TCF4: variants seen among roughly 807,000 people sequenced by gnomAD.
TCF4 encodes transcription factor 4.
In TCF4, 3 loss-of-function variants were observed where a neutral mutation model predicts 82.1. That is an observed-to-expected ratio of 0.04 (90% CI 0.02 to 0.09). The LOEUF is 0.09. Among genes scored for constraint, TCF4 ranks in the 10% least tolerant of loss-of-function variants. The probability of loss-of-function intolerance (pLI) is 1.00; values close to 1 mark genes in which losing one functional copy is unlikely to be tolerated. For missense variants in TCF4, 518 were observed against 852.7 expected, an observed-to-expected ratio of 0.61 and a Z score of 4.89; for synonymous variants, 276 against 309.6, an observed-to-expected ratio of 0.89 and a Z score of 1.14.
intron 6 of TCF4, among the ~76,000 whole-genome samples, chr18:55,399,900 A>T (rs1171499924): frequency 4.0e-5 from 6 of 149,144 alleles, no homozygotes; most frequent in Non-Finnish European, 8.9e-5. Context: ...ACACACACAC[A>T]CACACACACA....
intron 6 of TCF4, among the ~76,000 whole-genome samples, chr18:55,399,861 C>CTCTCTCTCTCTCTCTCCCCA (rs2093702620): frequency 8.0e-6 from 1 of 125,540 alleles, no homozygotes; most frequent in Non-Finnish European, 1.6e-5. Flanking sequence ...CCATCTCTCT[C>CTCTCTCTCTCTCTCTCCCCA]TCTCTCTCTC....
At chr18:55,497,389 T>C (rs2096649028) in intron 3 of TCF4, among the ~76,000 whole-genome samples, 1 of 152,162 alleles carries the variant, frequency 6.6e-6, no homozygotes, top group Non-Finnish European at 1.5e-5. Context: ...AAATAATATA[T>C]GCACATACAT....
chr18:55,425,259 C>T (rs1454591176), intron 5 of TCF4, among the ~76,000 whole-genome samples: 2 of 152,022 alleles, frequency 1.3e-5, no homozygotes, highest in Non-Finnish European at 2.9e-5. Context: ...AGATTGGATT[C>T]GTTGAAATGA....
At chr18:55,294,014 C>CTT (rs1439146255) in intron 8 of TCF4, among the ~76,000 whole-genome samples, 1 of 123,708 alleles carries the variant, frequency 8.1e-6, no homozygotes, top group Admixed American at 1.1e-4. Context: ...AATCCCAGGA[C>CTT]TTTGGGAGGC....
At chr18:55,611,723 C>T (rs1023776140) in intron 2 of TCF4, among the ~76,000 whole-genome samples, 2 of 151,814 alleles carry the variant, frequency 1.3e-5, no homozygotes, top group African/African-American at 4.8e-5. Flanking sequence ...ATAGTATATG[C>T]GAAATATTAT....
chr18:55,285,446 C>G (rs988424780), intron 8 of TCF4, among the ~76,000 whole-genome samples: 2 of 152,178 alleles, frequency 1.3e-5, no homozygotes, highest in African/African-American at 4.8e-5. Flanking sequence ...GTACTCATTG[C>G]TTATAATTAT....
chr18:55,494,314 G>A (rs79301837), intron 3 of TCF4, among the ~76,000 whole-genome samples: 4,087 of 150,844 alleles, frequency 0.027, 100 homozygotes, highest in Middle Eastern at 0.049. Flanking sequence ...AAAAAGAAAT[G>A]AAAAACTGTG....
intron 3 of TCF4, among the ~76,000 whole-genome samples, chr18:55,539,658 T>C (rs2097148152): frequency 6.6e-6 from 1 of 152,136 alleles, no homozygotes; most frequent in African/African-American, 2.4e-5. Flanking sequence ...AAAGGAGGAT[T>C]AGTGCCCCCA....
chr18:55,492,709 G>C (rs1311901465), intron 3 of TCF4, among the ~76,000 whole-genome samples: 3 of 152,180 alleles, frequency 2.0e-5, no homozygotes, highest in Non-Finnish European at 4.4e-5. Flanking sequence ...TCCTGAGATA[G>C]ATCTTATTTG....
chr18:55,467,622 A>G (rs915841181), intron 3 of TCF4, among the ~76,000 whole-genome samples: 2 of 152,194 alleles, frequency 1.3e-5, no homozygotes, highest in Admixed American at 6.5e-5. Flanking sequence ...TGGTTTCAGC[A>G]GCATTCACTA....
At chr18:55,243,963 T>C (rs1055957549) in intron 15 of TCF4, among the ~76,000 whole-genome samples, 8 of 152,178 alleles carry the variant, frequency 5.3e-5, no homozygotes, top group Non-Finnish European at 1.0e-4. Flanking sequence ...TGCTAGTACA[T>C]GAGTTCTGAG....
intron 3 of TCF4, among the ~76,000 whole-genome samples, chr18:55,502,459 G>C (rs1412951880): frequency 6.6e-6 from 1 of 152,152 alleles, no homozygotes; most frequent in Non-Finnish European, 1.5e-5. Context: ...ATGCAGCATA[G>C]TAAAGGAAAA....
At chr18:55,347,550 T>C (rs937579085) in intron 8 of TCF4, among the ~76,000 whole-genome samples, 1 of 152,178 alleles carries the variant, frequency 6.6e-6, no homozygotes. Context: ...CATGGCATGA[T>C]GTCTGGCCAG....
intron 3 of TCF4, among the ~76,000 whole-genome samples, chr18:55,516,467 C>T (rs769548321): frequency 9.9e-5 from 15 of 151,514 alleles, no homozygotes; most frequent in Non-Finnish European, 1.3e-4. Context: ...ACTGAGAGAA[C>T]GAGAGAAAGG....
intron 8 of TCF4, among the ~76,000 whole-genome samples, chr18:55,327,792 T>C: frequency 6.6e-6 from 1 of 152,180 alleles, no homozygotes. Context: ...TTTTGCTTTA[T>C]GTGGCATTAT....
At chr18:55,379,403 T>C (rs2091480516) in intron 6 of TCF4, among the ~76,000 whole-genome samples, 1 of 152,078 alleles carries the variant, frequency 6.6e-6, no homozygotes, top group Admixed American at 6.6e-5. Flanking sequence ...GGGGAGGAGC[T>C]GAAATCTCAG....
chr18:55,511,578 T>C (rs1440899145), intron 3 of TCF4, among the ~76,000 whole-genome samples: 1 of 152,136 alleles, frequency 6.6e-6, no homozygotes, highest in African/African-American at 2.4e-5. Context: ...GGAAGTAAAT[T>C]ATGCTTCAAA....
intron 5 of TCF4, among the ~76,000 whole-genome samples, chr18:55,438,445 C>T (rs1431762023): frequency 6.6e-6 from 1 of 152,050 alleles, no homozygotes; most frequent in African/African-American, 2.4e-5. Flanking sequence ...GAAAAAAAGC[C>T]AACCAAACTG....
chr18:55,599,722 A>C (rs1396976935), intron 2 of TCF4, among the ~76,000 whole-genome samples: 1 of 152,228 alleles, frequency 6.6e-6, no homozygotes, highest in African/African-American at 2.4e-5. Flanking sequence ...GTCTTATCGC[A>C]AAACAAAAAA....
Sources: gnomAD v4.1 joint callset for allele counts (sites outside exome capture counted in the v4.1 genomes callset) on GRCh38, gnomAD v4.1.1 for gene constraint, MANE v1.5 for transcripts, NCBI Gene and HGNC (gene_info 2026-07-23, HGNC 2026-07-21) for gene names.